The following ZNF208 variants were observed in gnomAD, a reference collection of about 807,000 sequenced individuals.
The protein encoded by ZNF208 is zinc finger protein 95.
In ZNF208, 10 loss-of-function variants were observed where a neutral mutation model predicts 12.1. The observed-to-expected ratio is 0.83, with a 90% CI of 0.51 to 1.40. The LOEUF is 1.40. Ranked by LOEUF, ZNF208 falls within the 40% of genes most tolerant of loss-of-function variation. The pLI is 0.00. For synonymous variants in ZNF208, 497 were observed against 488.4 expected (o/e 1.02, Z -0.23); for missense variants, 1,652 against 1,485.0 (o/e 1.11, Z -1.85).
chr19:21,991,758 A>C (rs1175564051), intron 1 of ZNF208: 5 of 152,756 alleles, frequency 3.3e-5, no homozygotes, highest in Non-Finnish European at 5.8e-5. Context: ...AAAAAAAAAA[A>C]AGAATCAATT....
At position 21,972,763 on chromosome 19, in the gene ZNF208, G is replaced by C; in HGVS notation, c.2271C>G (p.Ala757=). The change falls in exon 4 of 4, where the codon GCC becomes GCG. Residue 757 remains alanine (A), a synonymous_variant. Coordinates refer to ENST00000397126, the MANE Select transcript of ZNF208 (RefSeq NM_007153.3). ...KPYKCEECGK[A]YKWSSTLSYH... ...AACTAAGGGTTGAGGACCACTTATAGGCTTTGCCACATTCTTCACATTTGT... is the reference window on the plus strand; with the variant it reads ...AACTAAGGGTTGAGGACCACTTATACGCTTTGCCACATTCTTCACATTTGT... The C allele has an allele frequency of 6.2e-7, 1 of 1,610,264 alleles. No homozygotes were observed. Among genetic ancestry groups the C allele is most frequent in the Non-Finnish European group, 8.5e-7 (1 of 1,179,314 alleles).
Position 21,988,890 on chromosome 19 carries a change from T to A in ZNF208, c.23A>T (p.Asp8Val), listed in dbSNP as rs1468422816. MGSLTFR[D>V]VAIEFSLEEW... is the part of the protein sequence containing the mutation. ...CTCCAGAGAGAATTCTATGGCCACATCCCTAAATGTCAATGATCCCTGGAA... is the reference window on the plus strand; with the variant it reads ...CTCCAGAGAGAATTCTATGGCCACAACCCTAAATGTCAATGATCCCTGGAA... The change falls in exon 2 of 4, where the codon GAT becomes GTT. Residue 8 changes from aspartate to valine, a missense_variant. Physicochemically the swap from Asp to Val is radical, Grantham distance 152. This residue lies in a region of ZNF208 where 410 missense variants were observed against 378.2 expected (regional missense o/e 1.08). Transcript: ENST00000397126. 6.2e-7 allele frequency: 1 copy of A among 1,614,046 alleles called. No homozygotes were observed. The highest frequency in any genetic ancestry group is 8.5e-7 in the Non-Finnish European group (1 of 1,179,936).
At chr19:21,963,486 A>T (rs1970112056), downstream of ZNF208, among the ~76,000 whole-genome samples, 1 of 152,032 alleles carries the variant, frequency 6.6e-6, no homozygotes, top group African/African-American at 2.4e-5. Context: ...CATTTTTAGT[A>T]TTCGCTCTGA....
At chr19:21,998,420 T>A (rs1970880613) in intron 1 of ZNF208, 1 of 152,752 alleles carries the variant, frequency 6.5e-6, no homozygotes, top group Non-Finnish European at 1.5e-5. Context: ...GCCTCCCAAG[T>A]GCTGGGATTA....
At chr19:21,979,274 C>T (rs141443138) in intron 3 of ZNF208, among the ~76,000 whole-genome samples, 1 of 152,052 alleles carries the variant, frequency 6.6e-6, no homozygotes, top group Non-Finnish European at 1.5e-5. Flanking sequence ...GACACAGAAT[C>T]GTCAGATTCA....
At chr19:21,986,869 T>G (rs577589793) in intron 3 of ZNF208, 1 of 398,410 alleles carries the variant, frequency 2.5e-6, no homozygotes, top group East Asian at 3.6e-5. Flanking sequence ...AGAGAACTTA[T>G]AAGATAGTTT....
At chr19:21,980,071 A>T (rs1970507806) in intron 3 of ZNF208, among the ~76,000 whole-genome samples, 1 of 152,216 alleles carries the variant, frequency 6.6e-6, no homozygotes, top group African/African-American at 2.4e-5. Flanking sequence ...ACCGAGAATC[A>T]TAAAGCAAGT....
rs1256424019 is a variant in ZNF208, at chr19:21,970,119, G to A, written c.*1072C>T. Among the ~76,000 whole-genome samples the A allele has an allele frequency of 1.3e-5, 2 of 152,120 alleles. No individual in the cohort carries two copies. Among genetic ancestry groups the A allele is most frequent in the Non-Finnish European group, 2.9e-5 (2 of 68,000 alleles). Reference sequence around the variant, plus strand: ...CTTTTCTAGGATTTCTCATCTGTACGATTTCTTTTATATTCAGAAAAGTCT... The same window carrying A: ...CTTTTCTAGGATTTCTCATCTGTACAATTTCTTTTATATTCAGAAAAGTCT... On this transcript the variant is annotated 3_prime_UTR_variant, in exon 4 of 4. Coordinates refer to ENST00000397126, the MANE Select transcript of ZNF208 (RefSeq NM_007153.3).
intron 1 of ZNF208, among the ~76,000 whole-genome samples, chr19:21,999,726 G>C (rs1196698735): frequency 6.6e-6 from 1 of 151,848 alleles, no homozygotes; most frequent in Non-Finnish European, 1.5e-5. Context: ...TCAGGTCCCA[G>C]ATAAAGACAA....
intron 4 of ZNF208, among the ~76,000 whole-genome samples, chr19:21,959,892 TAAA>T (rs1225619468): frequency 2.6e-5 from 4 of 152,130 alleles, no homozygotes; most frequent in Non-Finnish European, 4.4e-5. Context: ...TTAGATTCTG[TAAA>T]AAATGTTTCT....
rs1970280501 is a variant in ZNF208 at position 21,971,426 on chromosome 19, CCA to C, written c.3606_3607del (p.Cys1202TrpfsTer5). 1 of 1,609,634 alleles carries C rather than the reference CCA, an allele frequency of 6.2e-7. No individual in the cohort carries two copies. Among genetic ancestry groups the C allele is most frequent in the South Asian group, 1.1e-5 (1 of 91,000 alleles). ...GGTTGAGGGCCACTTATAGGCTTTG[CCA>C]CATTCTTCACATTTGTAGAGTTTCT... On this transcript the variant is annotated frameshift_variant, in exon 4 of 4. Transcript: ENST00000397126. LOFTEE classifies it low-confidence loss of function (END_TRUNC).
At chr19:22,010,539 G>T (rs1961771125) in intron 1 of ZNF208, among the ~76,000 whole-genome samples, 1 of 152,216 alleles carries the variant, frequency 6.6e-6, no homozygotes, top group African/African-American at 2.4e-5. Flanking sequence ...CGCGCTGCGG[G>T]TGCAGAGCGG....
At chr19:21,995,269 T>TA (rs1970813930) in intron 1 of ZNF208, among the ~76,000 whole-genome samples, 1 of 152,186 alleles carries the variant, frequency 6.6e-6, no homozygotes, top group Admixed American at 6.5e-5. Context: ...TCTATTTTTT[T>TA]ATGACTATAT....
At chr19:21,994,413 T>A (rs1306527329) in intron 1 of ZNF208, among the ~76,000 whole-genome samples, 1 of 152,146 alleles carries the variant, frequency 6.6e-6, no homozygotes, top group African/African-American at 2.4e-5. Context: ...TTCTAATCGG[T>A]TCTTTCAGGC....
At chr19:21,988,740 C>T (rs371279555) in intron 2 of ZNF208, 43 bp downstream of exon 2, 152 of 1,609,372 alleles carry the variant, frequency 9.4e-5, no homozygotes, top group Non-Finnish European at 1.2e-4. Flanking sequence ...CAAAATGAAA[C>T]CTGTAGTGTA....
At chr19:21,956,581 C>A (rs1969982053) in intron 4 of ZNF208, among the ~76,000 whole-genome samples, 1 of 152,188 alleles carries the variant, frequency 6.6e-6, no homozygotes, top group Non-Finnish European at 1.5e-5. Flanking sequence ...GCAGTTCAAT[C>A]TCAGACTGCT....
chr19:21,981,585 AACTG>A (rs995013836), intron 3 of ZNF208, among the ~76,000 whole-genome samples: 1 of 152,218 alleles, frequency 6.6e-6, no homozygotes. Context: ...ATGTATGACA[AACTG>A]ACAGACAATA....
At position 21,974,627 on chromosome 19, in the gene ZNF208, C is replaced by T; in HGVS notation, c.407G>A (p.Ser136Asn). Residue 136 changes from serine to asparagine, a missense_variant, in exon 4 of 4, where the codon AGT becomes AAT. This residue lies in a region of ZNF208 where 410 missense variants were observed against 378.2 expected (regional missense o/e 1.08). Transcript: ENST00000397126. The stretch of plus-strand genomic sequence containing the variant: ...TACTTTGCTCTGTGTAGTTGTCAAA[C>T]TCTGGTTAAGTTTATTATAACCTTC... ...HKEGYNKLNQSLTTTQSKVFQ... is the reference protein window; with the variant it reads ...HKEGYNKLNQNLTTTQSKVFQ... 1 of 1,613,642 alleles carries T rather than the reference C, an allele frequency of 6.2e-7. No homozygotes were observed.
chr19:21,988,208 T>A, intron 2 of ZNF208, among the ~76,000 whole-genome samples: 1 of 152,014 alleles, frequency 6.6e-6, no homozygotes, highest in Non-Finnish European at 1.5e-5. Flanking sequence ...ACATCTTGAA[T>A]TTTTTTTCTA....
Sources: gnomAD v4.1 joint callset for allele counts (sites outside exome capture counted in the v4.1 genomes callset) on GRCh38, gnomAD v4.1.1 for gene constraint, gnomAD v4.1.1 regional missense constraint, MANE v1.5 for transcripts, NCBI Gene and HGNC (gene_info 2026-07-23, HGNC 2026-07-21) for gene names.